Variants in ZNF534 observed in about 807,000 individuals in gnomAD.
ZNF534 encodes zinc finger protein 534.
A neutral mutation model predicts 13.6 loss-of-function variants in ZNF534; 19 were observed. That is an observed-to-expected ratio of 1.40 (90% CI 0.97 to 2.05). The LOEUF (loss-of-function observed/expected upper bound fraction) is 2.05. Ranked by LOEUF, ZNF534 falls within the 30% of genes most tolerant of loss-of-function variation. The probability of loss-of-function intolerance (pLI) is 0.00; values close to 1 mark genes in which losing one functional copy is unlikely to be tolerated. For synonymous variants in ZNF534, 244 were observed against 273.8 expected, an observed-to-expected ratio of 0.89 and a Z score of 1.07; for missense variants, 782 against 796.3, an observed-to-expected ratio of 0.98 and a Z score of 0.22.
rs187627370 is a variant in ZNF534, at chr19:52,434,823, A to G, written c.143-258A>G. Reference sequence around the variant, plus strand: ...TGATGGCACCAGGGCTGAAGTGTGCATGAAACCTTATGACAGACTTAAAAA... The same window carrying G: ...TGATGGCACCAGGGCTGAAGTGTGCGTGAAACCTTATGACAGACTTAAAAA... On this transcript the variant is annotated intron_variant, in intron 3 of 4. Coordinates refer to ENST00000433050, the MANE Select transcript of ZNF534 (RefSeq NM_001143938.3). Among the ~76,000 whole-genome samples, 11 of 152,146 alleles carry G rather than the reference A, an allele frequency of 7.2e-5. No individual in the cohort carries two copies. In the East Asian group the frequency reaches 7.7e-4, roughly 11 times the overall value.
At chr19:52,433,399 C>T (rs1272038683) in intron 2 of ZNF534, among the ~76,000 whole-genome samples, 1 of 151,848 alleles carries the variant, frequency 6.6e-6, no homozygotes, top group Non-Finnish European at 1.5e-5. Flanking sequence ...CGGAGTCTCA[C>T]TCTGTCACCC....
intron 1 of ZNF534, among the ~76,000 whole-genome samples, 151 bp downstream of exon 1, chr19:52,429,395 T>C (rs928095010): frequency 6.6e-6 from 1 of 152,068 alleles, no homozygotes; most frequent in African/African-American, 2.4e-5. Flanking sequence ...AGTCTGGAGG[T>C]CGCTTACCTG....
intron 4 of ZNF534, among the ~76,000 whole-genome samples, chr19:52,436,621 A>C (rs2059130709): frequency 6.6e-6 from 1 of 152,048 alleles, no homozygotes; most frequent in Non-Finnish European, 1.5e-5. Flanking sequence ...AGGGTTTGTA[A>C]GGTTTTCTTC....
rs1357488463 is a variant in ZNF534 at position 52,441,167 on chromosome 19, G to A, written c.*1721G>A. 6.6e-6 allele frequency among the ~76,000 whole-genome samples: 1 copy of A among 151,984 alleles called. No homozygotes were observed. Among genetic ancestry groups the A allele is most frequent in the Non-Finnish European group, 1.5e-5 (1 of 68,026 alleles). On this transcript the variant is annotated 3_prime_UTR_variant, in exon 5 of 5. Transcript: ENST00000433050. ...GATCCATCTGCCTTGGCCTCCCAAA[G>A]TGCTGGGATTACAGGCATGAGCTGC...
Position 52,441,483 on chromosome 19 carries a change from C to T in ZNF534, c.*2037C>T, listed in dbSNP as rs2059172320. On this transcript the variant is annotated 3_prime_UTR_variant, in exon 5 of 5. Transcript: ENST00000433050. ...TGAGTCATGTTTGCAGTACTGCACT[C>T]CAGCCTGGGTGACAGAGTGAGACCC... Among the ~76,000 whole-genome samples the T allele has an allele frequency of 6.6e-6, 1 of 152,192 alleles. No homozygotes were observed. The highest frequency in any genetic ancestry group is 1.5e-5 in the Non-Finnish European group (1 of 68,034).
Position 52,440,095 on chromosome 19 carries a change from A to G in ZNF534, c.*649A>G, listed in dbSNP as rs1257277071. The stretch of plus-strand genomic sequence containing the variant: ...AAAAACAAAACAAAAAAAGTTATGA[A>G]GCCTCACAAAAGTAATAAATATGGC... On this transcript the variant is annotated 3_prime_UTR_variant, in exon 5 of 5. Coordinates refer to ENST00000433050, the MANE Select transcript of ZNF534 (RefSeq NM_001143938.3). 6.6e-6 allele frequency among the ~76,000 whole-genome samples: 1 copy of G among 152,198 alleles called. No individual in the cohort carries two copies. The highest frequency in any genetic ancestry group is 1.5e-5 in the Non-Finnish European group (1 of 68,034).
At chr19:52,434,155 C>T (rs749197814) in intron 3 of ZNF534, 74 bp downstream of exon 3, 17 of 1,562,872 alleles carry the variant, frequency 1.1e-5, no homozygotes, top group South Asian at 2.4e-5. Context: ...GTGTGTCTCT[C>T]GGGAGCCCCT....
chr19:52,447,924 A>T (rs948953892), intron 4 of ZNF534, among the ~76,000 whole-genome samples: 1 of 150,882 alleles, frequency 6.6e-6, no homozygotes, highest in African/African-American at 2.4e-5. Flanking sequence ...TTGGCAAACC[A>T]TAATAATGGT....
At position 52,438,549 on chromosome 19, in the gene ZNF534, T is replaced by C. The variant is rs1360746443; in HGVS notation, c.1089T>C (p.Phe363=). The change falls in exon 5 of 5, where the codon TTT becomes TTC. Residue 363 remains phenylalanine (F), a synonymous_variant. Coordinates refer to ENST00000433050, the MANE Select transcript of ZNF534 (RefSeq NM_001143938.3). ...AATGTAATGAATGTGGCAAGGGGTT[T>C]AGTCGAATTGCATTCCTTGCAAGGC... ...PYKCNECGKG[F]SRIAFLARHR... 1 of 1,580,516 alleles carries C rather than the reference T, an allele frequency of 6.3e-7. No homozygotes were observed. The highest frequency in any genetic ancestry group is 8.6e-7 in the Non-Finnish European group (1 of 1,162,512).
intron 3 of ZNF534, among the ~76,000 whole-genome samples, chr19:52,434,879 C>G (rs2059118503): frequency 6.6e-6 from 1 of 152,124 alleles, no homozygotes; most frequent in African/African-American, 2.4e-5. Context: ...TACCCATGTG[C>G]TTTTGATTCA....
At chr19:52,442,723 G>T (rs1001563561), downstream of ZNF534, among the ~76,000 whole-genome samples, 4 of 152,342 alleles carry the variant, frequency 2.6e-5, no homozygotes, top group East Asian at 3.9e-4. Flanking sequence ...CTCTGGGAAA[G>T]AATCAAGTGA....
intron 4 of ZNF534, among the ~76,000 whole-genome samples, chr19:52,436,223 T>A (rs1323488106): frequency 5.9e-5 from 9 of 152,106 alleles, no homozygotes; most frequent in Admixed American, 3.9e-4. Context: ...CAAGCATGAG[T>A]CACCGTGCCC....
At position 52,438,317 on chromosome 19, in the gene ZNF534, C is replaced by A; in HGVS notation, c.857C>A (p.Ala286Glu). ...GKVFSHHAYLAQHRKIHTGEK... is the reference protein window; with the variant it reads ...GKVFSHHAYLEQHRKIHTGEK... ...GTCTTTAGTCACCATGCCTACCTTG[C>A]ACAGCATAGGAAAATTCATACTGGA... The change falls in exon 5 of 5, where the codon GCA becomes GAA. Residue 286 changes from alanine (A) to glutamate (E), a missense_variant. Ala to Glu is a moderately radical substitution (Grantham distance 107). Transcript: ENST00000433050. 4 of 1,606,412 alleles carry A rather than the reference C, an allele frequency of 2.5e-6. No individual in the cohort carries two copies. The highest frequency in any genetic ancestry group is 3.4e-6 in the Non-Finnish European group (4 of 1,174,086).
chr19:52,446,733 C>T (rs1292150947), downstream of ZNF534, among the ~76,000 whole-genome samples: 1 of 152,084 alleles, frequency 6.6e-6, no homozygotes, highest in Non-Finnish European at 1.5e-5. Flanking sequence ...TAGTACATGC[C>T]TGATGTCTCA....
chr19:52,434,164 C>T (rs771566136), intron 3 of ZNF534, 83 bp downstream of exon 3: 37 of 1,547,290 alleles, frequency 2.4e-5, no homozygotes, highest in Admixed American at 1.3e-4. Flanking sequence ...TCGGGAGCCC[C>T]TGCATTGCTT....
intron 2 of ZNF534, among the ~76,000 whole-genome samples, chr19:52,433,618 G>A (rs959657127): frequency 2.0e-5 from 3 of 152,168 alleles, no homozygotes; most frequent in Non-Finnish European, 4.4e-5. Context: ...CGACCGCCTT[G>A]GCCTCCCAAA....
chr19:52,433,745 A>T, intron 2 of ZNF534: 1 of 634,178 alleles, frequency 1.6e-6, no homozygotes, highest in Non-Finnish European at 2.9e-6. Flanking sequence ...AAAATGAGAC[A>T]TCTACTCTGA....
At chr19:52,430,165 A>G (rs1432777683) in intron 1 of ZNF534, among the ~76,000 whole-genome samples, 1 of 150,730 alleles carries the variant, frequency 6.6e-6, no homozygotes, top group Non-Finnish European at 1.5e-5. Context: ...ACAGGTGTCC[A>G]CCACCACGGC....
intron 4 of ZNF534, chr19:52,451,050 G>A (rs556878029): frequency 8.9e-5 from 46 of 514,484 alleles, no homozygotes; most frequent in African/African-American, 8.6e-4. Flanking sequence ...AGAATGTGTT[G>A]AATATGTACA....
Sources: allele counts gnomAD v4.1 joint callset (sites outside exome capture counted in the v4.1 genomes callset), GRCh38; gene constraint gnomAD v4.1.1; transcripts MANE v1.5; gene names NCBI Gene and HGNC (gene_info 2026-07-23, HGNC 2026-07-21).